The following RBMS3 variants were observed in gnomAD, a reference collection of about 807,000 sequenced individuals.
RBMS3 encodes RNA binding motif single stranded interacting protein 3.
RBMS3 carries 27 observed loss-of-function variants against 66.8 expected under a neutral mutation model. The ratio of observed to expected loss-of-function variants is 0.40; its 90% CI spans 0.30 to 0.56. The LOEUF is 0.56. Among genes scored for constraint, RBMS3 ranks in the 20% least tolerant of loss-of-function variants. The probability of loss-of-function intolerance (pLI) is 0.40; values close to 1 mark genes in which losing one functional copy is unlikely to be tolerated. For missense variants in RBMS3, 513 were observed against 549.5 expected, an observed-to-expected ratio of 0.93 and a Z score of 0.66; for synonymous variants, 188 against 183.0, an observed-to-expected ratio of 1.03 and a Z score of -0.22.
intron 1 of RBMS3, among the ~76,000 whole-genome samples, chr3:29,318,904 GA>G (rs1377621677): frequency 1.3e-5 from 2 of 151,832 alleles, no homozygotes; most frequent in Non-Finnish European, 2.9e-5. Flanking sequence ...CAGATTCAGG[GA>G]AAATACCCTA....
intron 4 of RBMS3, among the ~76,000 whole-genome samples, chr3:29,625,108 G>A (rs951035549): frequency 1.3e-5 from 2 of 152,050 alleles, no homozygotes; most frequent in Non-Finnish European, 1.5e-5. Context: ...CATAAGACAT[G>A]CCTTGCTTCC....
At chr3:29,590,090 AT>A (rs4016341) in intron 4 of RBMS3, among the ~76,000 whole-genome samples, 2 of 150,706 alleles carry the variant, frequency 1.3e-5, no homozygotes, top group African/African-American at 2.4e-5. Flanking sequence ...GAGTTTATTT[AT>A]TTTTTTTTGG....
At chr3:29,888,587 T>A (rs1275030709) in intron 8 of RBMS3, among the ~76,000 whole-genome samples, 1 of 151,696 alleles carries the variant, frequency 6.6e-6, no homozygotes, top group Non-Finnish European at 1.5e-5. Context: ...ACTTCAAGTG[T>A]GTAACTAGCT....
chr3:29,915,903 C>T (rs1209867844), intron 10 of RBMS3, among the ~76,000 whole-genome samples: 4 of 151,984 alleles, frequency 2.6e-5, no homozygotes, highest in African/African-American at 9.7e-5. Flanking sequence ...AGTCTTTTCT[C>T]TTGAGATGGA....
chr3:29,640,933 T>C (rs2049680470), intron 4 of RBMS3, among the ~76,000 whole-genome samples: 1 of 151,918 alleles, frequency 6.6e-6, no homozygotes, highest in Admixed American at 6.6e-5. Flanking sequence ...TCTTCCTACT[T>C]CATAGGGCTT....
intron 11 of RBMS3, among the ~76,000 whole-genome samples, chr3:29,936,653 A>C (rs895023940): frequency 2.0e-5 from 3 of 152,084 alleles, no homozygotes; most frequent in African/African-American, 7.2e-5. Flanking sequence ...GGTATAATCG[A>C]GTTCTTTTAA....
At chr3:29,597,540 C>T (rs1201754566) in intron 4 of RBMS3, among the ~76,000 whole-genome samples, 1 of 152,140 alleles carries the variant, frequency 6.6e-6, no homozygotes, top group East Asian at 1.9e-4. Context: ...CACTTTTTAA[C>T]TGCTATTTGA....
At chr3:29,863,585 C>A (rs1410484960) in intron 6 of RBMS3, among the ~76,000 whole-genome samples, 1 of 151,836 alleles carries the variant, frequency 6.6e-6, no homozygotes, top group Non-Finnish European at 1.5e-5. Context: ...TACAGATCCC[C>A]CAAATATCAG....
intron 4 of RBMS3, among the ~76,000 whole-genome samples, chr3:29,655,099 G>A (rs887352170): frequency 6.6e-6 from 1 of 152,072 alleles, no homozygotes; most frequent in Non-Finnish European, 1.5e-5. Flanking sequence ...CTGTGAAATA[G>A]GAATAAGAAC....
intron 1 of RBMS3, 37 bp from the exon 2 acceptor site, chr3:29,434,706 C>T: frequency 2.5e-6 from 4 of 1,592,612 alleles, no homozygotes; most frequent in Non-Finnish European, 3.4e-6. Context: ...TAGGTGCTGG[C>T]TTTTGTTTTT....
intron 12 of RBMS3, among the ~76,000 whole-genome samples, chr3:29,976,141 T>C (rs923355617): frequency 2.0e-5 from 3 of 152,012 alleles, no homozygotes; most frequent in African/African-American, 7.2e-5. Context: ...AGAGATACAA[T>C]TTTGTATGCC....
At chr3:29,686,364 C>T (rs2051734299) in intron 4 of RBMS3, among the ~76,000 whole-genome samples, 1 of 152,070 alleles carries the variant, frequency 6.6e-6, no homozygotes, top group African/African-American at 2.4e-5. Context: ...TGTTTGATAG[C>T]ATATCATGGA....
At position 30,006,110 on chromosome 3, in the gene RBMS3, G is replaced by T. The variant is rs951949617; in HGVS notation, c.*2248G>T. The stretch of plus-strand genomic sequence containing the variant: ...CTGAATGAATCCTTTGAATCAAATA[G>T]GTGAAACTCTTTTCAAAAACTAAGT... On this transcript the variant is annotated 3_prime_UTR_variant, in exon 15 of 15. Coordinates refer to ENST00000383767, the MANE Select transcript of RBMS3 (RefSeq NM_001003793.3). 5 of 151,848 alleles carry T rather than the reference G, an allele frequency of 3.3e-5. No individual in the cohort carries two copies. Among genetic ancestry groups the T allele is most frequent in the African/African-American group, 1.2e-4 (5 of 41,398 alleles). 9.4% of individuals were successfully genotyped at this position (151,848 alleles called of 1,614,324 possible).
intron 1 of RBMS3, among the ~76,000 whole-genome samples, chr3:29,306,309 T>C (rs567241962): frequency 1.3e-5 from 2 of 152,040 alleles, no homozygotes; most frequent in East Asian, 2.0e-4. Flanking sequence ...TCCAAGAAGA[T>C]ACATGTGGAT....
chr3:29,934,321 T>A (rs905323829), intron 10 of RBMS3, among the ~76,000 whole-genome samples: 32 of 151,016 alleles, frequency 2.1e-4, no homozygotes, highest in Admixed American at 1.9e-3. Flanking sequence ...AAAAAAAAAA[T>A]GCTTCAGGAC....
chr3:29,433,593 G>T (rs1484383168), intron 1 of RBMS3, among the ~76,000 whole-genome samples: 1 of 151,864 alleles, frequency 6.6e-6, no homozygotes, highest in African/African-American at 2.4e-5. Context: ...TATCTCCTTC[G>T]TATTAATGAG....
intron 3 of RBMS3, among the ~76,000 whole-genome samples, chr3:29,554,436 C>G (rs1037800554): frequency 2.0e-5 from 3 of 152,118 alleles, no homozygotes; most frequent in African/African-American, 4.8e-5. Flanking sequence ...TAAAAGGAGG[C>G]AGACATAACA....
At chr3:29,765,356 A>C (rs985206420) in intron 6 of RBMS3, among the ~76,000 whole-genome samples, 3 of 151,990 alleles carry the variant, frequency 2.0e-5, no homozygotes, top group Admixed American at 2.0e-4. Context: ...GACAGGGAGT[A>C]GGATATCACT....
intron 6 of RBMS3, among the ~76,000 whole-genome samples, chr3:29,829,163 G>A (rs1047802999): frequency 1.6e-4 from 24 of 151,958 alleles, no homozygotes; most frequent in African/African-American, 5.1e-4. Flanking sequence ...TCCTGCCTTT[G>A]CCTCCCGAGT....
Sources: gnomAD v4.1 joint callset for allele counts (sites outside exome capture counted in the v4.1 genomes callset) on GRCh38, gnomAD v4.1.1 for gene constraint, MANE v1.5 for transcripts, NCBI Gene and HGNC (gene_info 2026-07-23, HGNC 2026-07-21) for gene names.